Variants in CALD1 observed in about 807,000 individuals in gnomAD.
The protein encoded by CALD1 is caldesmon.
Under a neutral mutation model 99.9 loss-of-function variants are expected in CALD1, and 33 were observed. The ratio of observed to expected loss-of-function variants is 0.33; its 90% CI spans 0.25 to 0.44. The LOEUF (loss-of-function observed/expected upper bound fraction) is 0.44, where lower values mean the gene tolerates loss of function less well. Ranked by LOEUF, CALD1 falls within the 20% of genes least tolerant of loss-of-function variation. The probability of loss-of-function intolerance (pLI) is 1.00; values close to 1 mark genes in which losing one functional copy is unlikely to be tolerated. For synonymous variants in CALD1, 310 were observed against 325.0 expected (o/e 0.95, Z 0.50); for missense variants, 861 against 962.1 (o/e 0.89, Z 1.39).
At position 134,820,955 on chromosome 7, in the gene CALD1, A is replaced by AG. The variant is rs1276532469; in HGVS notation, c.-129-22925dup. 2.6e-5 allele frequency among the ~76,000 whole-genome samples: 4 copies of AG among 151,558 alleles called. 1 individual carries two copies. Among genetic ancestry groups the AG allele is most frequent in the Admixed American group, 2.0e-4 (3 of 15,238 alleles). ...GAAACCACAGTAAACAGTGAAGGAG[A>AG]GGGGAGGAGAAAAATGATGCAAACT... On this transcript the variant is annotated intron_variant, in intron 1 of 14. Transcript: ENST00000361675.
intron 3 of CALD1, among the ~76,000 whole-genome samples, chr7:134,878,289 C>A (rs1801440418): frequency 6.6e-6 from 1 of 152,150 alleles, no homozygotes; most frequent in African/African-American, 2.4e-5. Flanking sequence ...ACAGGACAGG[C>A]TGGGCATGGT....
At chr7:134,769,310 A>C (rs1185638893) in intron 1 of CALD1, among the ~76,000 whole-genome samples, 1 of 152,184 alleles carries the variant, frequency 6.6e-6, no homozygotes. Context: ...GTGCATACTG[A>C]AAGTCACTAG....
chr7:134,967,168 C>T (rs530199717), intron 14 of CALD1, among the ~76,000 whole-genome samples: 1 of 152,110 alleles, frequency 6.6e-6, no homozygotes, highest in Non-Finnish European at 1.5e-5. Context: ...CAGAGAACAC[C>T]ACTCACATAC....
chr7:134,938,649 A>T (rs1194055646), intron 6 of CALD1, among the ~76,000 whole-genome samples: 2 of 152,186 alleles, frequency 1.3e-5, no homozygotes, highest in Non-Finnish European at 2.9e-5. Flanking sequence ...TCTAAAAAAA[A>T]ATGTAAAGGC....
chr7:134,947,536 AC>A lies in CALD1; in HGVS notation c.1563del (p.Lys522ArgfsTer83). 6.4e-7 allele frequency: 1 copy of A among 1,567,350 alleles called. No individual in the cohort carries two copies. The highest frequency in any genetic ancestry group is 8.7e-7 in the Non-Finnish European group (1 of 1,155,712). On this transcript the variant is annotated frameshift_variant, in exon 8 of 15. Transcript: ENST00000361675. LOFTEE classifies it high-confidence loss of function. ...SRPGGRASVD[T>X]KEAEGAPQVE... ...CCCTGGAGGGAGGGCCAGCGTGGACACCAAGGAGGCTGAGGGCGCCCCCCAG... is the reference window on the plus strand; with the variant it reads ...CCCTGGAGGGAGGGCCAGCGTGGACACAAGGAGGCTGAGGGCGCCCCCCAG...
At chr7:134,921,501 A>G (rs1224426685) in intron 3 of CALD1, among the ~76,000 whole-genome samples, 2 of 152,190 alleles carry the variant, frequency 1.3e-5, no homozygotes, top group African/African-American at 4.8e-5. Context: ...ATGACAAAGC[A>G]TGGGAATGTA....
intron 1 of CALD1, among the ~76,000 whole-genome samples, chr7:134,832,687 C>T (rs879430002): frequency 2.6e-5 from 4 of 152,194 alleles, no homozygotes; most frequent in Non-Finnish European, 4.4e-5. Flanking sequence ...GGAACACAGA[C>T]AGACAGCGGG....
chr7:134,942,178 T>G (rs1283777912), intron 7 of CALD1, among the ~76,000 whole-genome samples: 2 of 152,218 alleles, frequency 1.3e-5, no homozygotes, highest in East Asian at 1.9e-4. Context: ...TCCCCGGGCT[T>G]GTTCCTTGGC....
chr7:134,921,973 C>T (rs111985839), intron 3 of CALD1, among the ~76,000 whole-genome samples: 13 of 152,226 alleles, frequency 8.5e-5, no homozygotes, highest in African/African-American at 3.1e-4. Context: ...CTGTGCTATC[C>T]TATTACATAA....
At chr7:134,888,303 G>A (rs1009568095) in intron 3 of CALD1, among the ~76,000 whole-genome samples, 1 of 152,168 alleles carries the variant, frequency 6.6e-6, no homozygotes, top group African/African-American at 2.4e-5. Flanking sequence ...CTTGCTGAAG[G>A]ATGACTGGCC....
chr7:134,779,436 C>G (rs1797017858), upstream of CALD1: 3 of 376,136 alleles, frequency 8.0e-6, no homozygotes, highest in Admixed American at 4.6e-5. Flanking sequence ...CTGAGCATGC[C>G]TAGGGAATGA....
intron 3 of CALD1, among the ~76,000 whole-genome samples, chr7:134,909,848 A>T (rs1465785913): frequency 2.0e-5 from 3 of 152,228 alleles, no homozygotes; most frequent in Non-Finnish European, 4.4e-5. Context: ...GAAGAAACCC[A>T]ATAAAAGGTA....
intron 1 of CALD1, among the ~76,000 whole-genome samples, chr7:134,829,177 A>G (rs1418686225): frequency 2.6e-5 from 4 of 152,260 alleles, no homozygotes; most frequent in Non-Finnish European, 5.9e-5. Flanking sequence ...GAAAAGACAG[A>G]TATTAAATAC....
intron 1 of CALD1, among the ~76,000 whole-genome samples, chr7:134,790,485 G>A (rs1364139881): frequency 6.6e-6 from 1 of 152,122 alleles, no homozygotes; most frequent in African/African-American, 2.4e-5. Flanking sequence ...CCAAGAAAGC[G>A]ATGGAAACCA....
chr7:134,796,662 T>A (rs1382130721), intron 1 of CALD1, among the ~76,000 whole-genome samples: 1 of 152,062 alleles, frequency 6.6e-6, no homozygotes, highest in Admixed American at 6.5e-5. Context: ...CATAGCTCAC[T>A]GCAACCTTGA....
intron 7 of CALD1, among the ~76,000 whole-genome samples, chr7:134,945,498 T>C (rs981272772): frequency 1.2e-4 from 19 of 152,244 alleles, no homozygotes; most frequent in African/African-American, 4.3e-4. Context: ...AATCTGATCA[T>C]GGCTCGACTG....
intron 1 of CALD1, among the ~76,000 whole-genome samples, chr7:134,752,808 C>T (rs971683397): frequency 6.6e-6 from 1 of 151,964 alleles, no homozygotes; most frequent in Non-Finnish European, 1.5e-5. Flanking sequence ...CGAGACCAGC[C>T]TGGCCAACAT....
chr7:134,787,646 G>A (rs574674805), intron 1 of CALD1, among the ~76,000 whole-genome samples: 24 of 152,264 alleles, frequency 1.6e-4, no homozygotes, highest in African/African-American at 5.5e-4. Context: ...GACTTTGAGT[G>A]CATGGATGGG....
In CALD1 at chr7:134,947,827, C is replaced by A. The variant is rs201852009; in HGVS notation, c.1794+58C>A. 8.3e-6 allele frequency: 13 copies of A among 1,560,160 alleles called. No individual in the cohort carries two copies. In the East Asian group the frequency reaches 2.7e-4, roughly 32 times the overall value. On this transcript the variant is annotated intron_variant, in intron 8 of 14. Coordinates refer to ENST00000361675, the MANE Select transcript of CALD1 (RefSeq NM_033138.4). ...CCCGGGAAAATTCCCTAGTGCCGTG[C>A]GGCTGTTCTTTTGAGCATGGGCTCT... is the stretch of plus-strand genomic sequence containing the variant.
Sources: allele counts gnomAD v4.1 joint callset (sites outside exome capture counted in the v4.1 genomes callset), GRCh38; gene constraint gnomAD v4.1.1; transcripts MANE v1.5; gene names NCBI Gene and HGNC (gene_info 2026-07-23, HGNC 2026-07-21).